SHISA9: variants seen among roughly 807,000 people sequenced by gnomAD.
The protein encoded by SHISA9 is protein shisa-9.
SHISA9 carries 13 observed loss-of-function variants against 38.0 expected under a neutral mutation model. The observed-to-expected ratio is 0.34, with a 90% CI of 0.22 to 0.54. SHISA9 has a LOEUF of 0.54. Among genes scored for constraint, SHISA9 ranks in the 20% least tolerant of loss-of-function variants. The pLI, the probability that SHISA9 is intolerant of heterozygous loss-of-function variation, is 0.91. For missense variants in SHISA9, 538 were observed against 575.8 expected, an observed-to-expected ratio of 0.93 and a Z score of 0.67; for synonymous variants, 275 against 242.0, an observed-to-expected ratio of 1.14 and a Z score of -1.27.
At chr16:13,037,393 A>G (rs1364036159) in intron 2 of SHISA9, among the ~76,000 whole-genome samples, 1 of 152,074 alleles carries the variant, frequency 6.6e-6, no homozygotes, top group Non-Finnish European at 1.5e-5. Flanking sequence ...TACTATAGAA[A>G]CAAGTGTTAC....
intron 2 of SHISA9, among the ~76,000 whole-genome samples, chr16:13,033,536 A>C (rs2073017009): frequency 6.6e-6 from 1 of 152,188 alleles, no homozygotes; most frequent in African/African-American, 2.4e-5. Context: ...GAAAGGATTG[A>C]ATATTACAAC....
the SHISA9 span, among the ~76,000 whole-genome samples, chr16:13,262,562 C>T: frequency 6.6e-6 from 1 of 151,350 alleles, no homozygotes; most frequent in Non-Finnish European, 1.5e-5. Flanking sequence ...CAACTTGACC[C>T]ATAGAAGGAT....
At chr16:13,114,670 C>A (rs944591709) in intron 2 of SHISA9, among the ~76,000 whole-genome samples, 4 of 151,904 alleles carry the variant, frequency 2.6e-5, no homozygotes, top group African/African-American at 7.3e-5. Context: ...ACACCCCACC[C>A]TCTCCCGACC....
the SHISA9 span, among the ~76,000 whole-genome samples, chr16:13,338,513 C>T: frequency 6.6e-6 from 1 of 152,112 alleles, no homozygotes; most frequent in African/African-American, 2.4e-5. Flanking sequence ...CATAGATAGC[C>T]TAGGGTGCTT....
the SHISA9 span, among the ~76,000 whole-genome samples, chr16:13,382,030 G>T: frequency 3.3e-5 from 5 of 152,090 alleles, no homozygotes; most frequent in African/African-American, 9.7e-5. Flanking sequence ...AACACATTAG[G>T]TTGAAAAAAT....
the SHISA9 span, among the ~76,000 whole-genome samples, chr16:13,364,630 G>A: frequency 6.6e-6 from 1 of 152,160 alleles, no homozygotes; most frequent in Non-Finnish European, 1.5e-5. Flanking sequence ...ATGATAGGAG[G>A]CTTCTGCAAG....
At chr16:13,193,943 A>T (rs1176956856) in intron 2 of SHISA9, among the ~76,000 whole-genome samples, 1 of 152,126 alleles carries the variant, frequency 6.6e-6, no homozygotes, top group Non-Finnish European at 1.5e-5. Context: ...CTCCTGCTAG[A>T]GTCTCAGAGG....
At chr16:12,970,491 ATATATATTTTTTTTT>A (rs2072063578) in intron 2 of SHISA9, among the ~76,000 whole-genome samples, 3 of 28,204 alleles carry the variant, frequency 1.1e-4, no homozygotes, top group East Asian at 1.7e-3. Context: ...ATATATATAT[ATATATATTTTTTTTT>A]TTTTTTTTTT....
intron 2 of SHISA9, among the ~76,000 whole-genome samples, chr16:13,142,723 C>G (rs762246929): frequency 2.6e-5 from 4 of 152,184 alleles, no homozygotes; most frequent in Non-Finnish European, 5.9e-5. Flanking sequence ...TTATTACCAT[C>G]TCATTATTTC....
chr16:13,173,033 C>T (rs2050700466), intron 2 of SHISA9, among the ~76,000 whole-genome samples: 1 of 151,978 alleles, frequency 6.6e-6, no homozygotes, highest in African/African-American at 2.4e-5. Flanking sequence ...TTTAATGACC[C>T]CGATAATGTC....
the SHISA9 span, among the ~76,000 whole-genome samples, chr16:13,395,708 A>G: frequency 3.9e-5 from 6 of 152,262 alleles, no homozygotes; most frequent in African/African-American, 1.4e-4. Context: ...TTGTGCCTCC[A>G]GAACCTAAGA....
At chr16:13,014,510 CTTATCT>C (rs980708035) in intron 2 of SHISA9, among the ~76,000 whole-genome samples, 1 of 152,180 alleles carries the variant, frequency 6.6e-6, no homozygotes, top group African/African-American at 2.4e-5. Context: ...TGCTTATTTC[CTTATCT>C]TGGAGATTGC....
chr16:13,451,227 G>T, the SHISA9 span, among the ~76,000 whole-genome samples: 15 of 152,148 alleles, frequency 9.9e-5, no homozygotes, highest in African/African-American at 3.6e-4. Context: ...TTCTCCAGCT[G>T]CCCCGTGGTA....
At position 13,235,644 on chromosome 16, in the gene SHISA9, AG is replaced by A. The variant is rs1443154738; in HGVS notation, c.*239del. On this transcript the variant is annotated 3_prime_UTR_variant, in exon 5 of 5. Coordinates refer to ENST00000558583, the MANE Select transcript of SHISA9 (RefSeq NM_001145204.3). Reference sequence around the variant, plus strand: ...GCGTGGACATTCAGCAATACAGCAAAGGGGAAAATGAGGCACACTCTTTCCA... The same window carrying A: ...GCGTGGACATTCAGCAATACAGCAAAGGGAAAATGAGGCACACTCTTTCCA... The A allele has an allele frequency of 1.9e-5, 10 of 519,300 alleles. No homozygotes were observed. The highest frequency in any genetic ancestry group is 7.7e-5 in the African/African-American group (4 of 51,768). The allele number at this position is 519,300 out of a possible 1,614,324, so 32.2% of individuals were successfully genotyped here.
intron 2 of SHISA9, among the ~76,000 whole-genome samples, chr16:13,130,691 C>G (rs909290764): frequency 6.6e-5 from 10 of 152,142 alleles, no homozygotes; most frequent in Admixed American, 1.3e-4. Context: ...TTTTTCTGTA[C>G]AGAGCTGGAT....
At chr16:13,083,220 G>A (rs746987817) in intron 2 of SHISA9, among the ~76,000 whole-genome samples, 1 of 152,186 alleles carries the variant, frequency 6.6e-6, no homozygotes, top group Non-Finnish European at 1.5e-5. Flanking sequence ...ACTCCATGGG[G>A]CTGGATGGCT....
At chr16:12,964,346 A>C (rs1304512068) in intron 2 of SHISA9, among the ~76,000 whole-genome samples, 1 of 151,784 alleles carries the variant, frequency 6.6e-6, no homozygotes. Context: ...TACAAACCAC[A>C]GGGGTGATGG....
At chr16:13,028,477 C>G (rs1253643281) in intron 2 of SHISA9, among the ~76,000 whole-genome samples, 1 of 151,990 alleles carries the variant, frequency 6.6e-6, no homozygotes, top group African/African-American at 2.4e-5. Flanking sequence ...TGGTGGCAGG[C>G]AAGAGAGAAG....
At chr16:13,440,782 C>G in the SHISA9 span, among the ~76,000 whole-genome samples, 1 of 151,960 alleles carries the variant, frequency 6.6e-6, no homozygotes, top group Admixed American at 6.6e-5. Flanking sequence ...ATTAGCCAGG[C>G]GTGGTGGCGC....
Sources: allele counts gnomAD v4.1 joint callset (sites outside exome capture counted in the v4.1 genomes callset), GRCh38; gene constraint gnomAD v4.1.1; transcripts MANE v1.5; gene names NCBI Gene and HGNC (gene_info 2026-07-23, HGNC 2026-07-21).